PCDH7: variants seen among roughly 807,000 people sequenced by gnomAD.
PCDH7 encodes protocadherin 7.
Under a neutral mutation model 58.9 loss-of-function variants are expected in PCDH7, and 17 were observed. That is an observed-to-expected ratio of 0.29 (90% CI 0.20 to 0.43). The LOEUF (loss-of-function observed/expected upper bound fraction) is 0.43. Among genes scored for constraint, PCDH7 ranks in the 20% least tolerant of loss-of-function variants. The pLI is 1.00. For missense variants in PCDH7, 1,274 were observed against 1,441.0 expected (o/e 0.88, Z 1.88); for synonymous variants, 664 against 616.4 (o/e 1.08, Z -1.14).
chr4:31,113,721 T>A (rs1716622120), intron 3 of PCDH7, among the ~76,000 whole-genome samples: 2 of 152,056 alleles, frequency 1.3e-5, no homozygotes, highest in Admixed American at 1.3e-4. Flanking sequence ...AGCAGATAGG[T>A]ACAAAAAATT....
chr4:30,786,881 C>A, intron 1 of PCDH7: 1 of 343,018 alleles, frequency 2.9e-6, no homozygotes, highest in Non-Finnish European at 4.1e-6. Flanking sequence ...GAAATCGATT[C>A]CCAAGGGGCA....
chr4:30,772,308 AT>A (rs1721518179), intron 1 of PCDH7, among the ~76,000 whole-genome samples: 1 of 152,264 alleles, frequency 6.6e-6, no homozygotes, highest in Non-Finnish European at 1.5e-5. Flanking sequence ...AGCGGAAGAC[AT>A]TTTATGCTAA....
At chr4:30,807,644 C>T (rs907267815) in intron 1 of PCDH7, among the ~76,000 whole-genome samples, 5 of 151,982 alleles carry the variant, frequency 3.3e-5, no homozygotes, top group African/African-American at 7.3e-5. Context: ...GCTTTTAATG[C>T]GTAACATGAA....
At chr4:30,982,656 G>A (rs936252988) in intron 3 of PCDH7, among the ~76,000 whole-genome samples, 11 of 152,022 alleles carry the variant, frequency 7.2e-5, no homozygotes, top group African/African-American at 1.2e-4. Flanking sequence ...ATATGACCTG[G>A]TGCATTATAT....
intron 1 of PCDH7, among the ~76,000 whole-genome samples, chr4:30,803,842 C>T (rs955739260): frequency 4.6e-5 from 7 of 152,178 alleles, no homozygotes; most frequent in African/African-American, 1.4e-4. Context: ...TGAAATAAAG[C>T]AGTGGAACAA....
intron 1 of PCDH7, among the ~76,000 whole-genome samples, chr4:30,754,531 A>G (rs1039912952): frequency 6.6e-6 from 1 of 152,186 alleles, no homozygotes; most frequent in Non-Finnish European, 1.5e-5. Flanking sequence ...CACCCAATAC[A>G]GGAAATATTA....
intron 3 of PCDH7, among the ~76,000 whole-genome samples, chr4:31,001,065 A>G (rs1026002224): frequency 6.6e-6 from 1 of 152,050 alleles, no homozygotes; most frequent in Admixed American, 6.6e-5. Context: ...TCTAATATGT[A>G]TTTAAATCCA....
intron 3 of PCDH7, among the ~76,000 whole-genome samples, chr4:31,108,331 AG>A (rs1715836903): frequency 6.8e-6 from 1 of 146,386 alleles, no homozygotes; most frequent in Admixed American, 6.9e-5. Flanking sequence ...CTAAAAATAG[AG>A]CAATGACTAT....
intron 1 of PCDH7, among the ~76,000 whole-genome samples, chr4:30,782,343 T>C (rs1325560361): frequency 1.3e-5 from 2 of 152,194 alleles, no homozygotes; most frequent in Non-Finnish European, 2.9e-5. Context: ...ACCTATTTGA[T>C]TTGAGCCCTA....
chr4:31,131,831 C>T (rs574888248), intron 3 of PCDH7, among the ~76,000 whole-genome samples: 24 of 151,976 alleles, frequency 1.6e-4, no homozygotes, highest in Non-Finnish European at 3.4e-4. Context: ...ATTAGAATAA[C>T]TGTATAGTTT....
At chr4:31,071,291 A>AT in intron 3 of PCDH7, among the ~76,000 whole-genome samples, 1 of 152,110 alleles carries the variant, frequency 6.6e-6, no homozygotes, top group East Asian at 1.9e-4. Flanking sequence ...GTACAGCTAT[A>AT]TTTTTGTCAT....
chr4:31,143,473 A>G (rs1272924917), downstream of PCDH7: 9 of 152,180 alleles, frequency 5.9e-5, no homozygotes, highest in Admixed American at 5.9e-4. Flanking sequence ...GAAAAACAAT[A>G]CTCAGTGGGT....
At chr4:30,835,653 C>T (rs1730400860) in intron 1 of PCDH7, among the ~76,000 whole-genome samples, 1 of 152,060 alleles carries the variant, frequency 6.6e-6, no homozygotes, top group South Asian at 2.1e-4. Context: ...AGGGCTTGGA[C>T]ATTTTAATGA....
At chr4:30,735,576 G>A (rs145059690), downstream of PCDH7, among the ~76,000 whole-genome samples, 9 of 152,312 alleles carry the variant, frequency 5.9e-5, no homozygotes, top group East Asian at 1.5e-3. Flanking sequence ...ACTGCTCTAA[G>A]TGGATAACTA....
chr4:30,762,411 A>C (rs1720145869), intron 1 of PCDH7, among the ~76,000 whole-genome samples: 3 of 152,186 alleles, frequency 2.0e-5, no homozygotes. Context: ...CAGTTTTTCA[A>C]GAGCAAGACT....
At chr4:30,826,615 T>C (rs1729118122) in intron 1 of PCDH7, among the ~76,000 whole-genome samples, 1 of 152,284 alleles carries the variant, frequency 6.6e-6, no homozygotes, top group Non-Finnish European at 1.5e-5. Flanking sequence ...CAAGAAAGTC[T>C]AGAGATTTTC....
chr4:30,723,457 G>A lies in PCDH7; in HGVS notation c.2035G>A (p.Glu679Lys). The A allele has an allele frequency of 6.2e-7, 1 of 1,614,164 alleles. No homozygotes were observed. The highest frequency in any genetic ancestry group is 1.7e-5 in the Admixed American group (1 of 60,018). ...GAATGCAGAGATGAGCCTGTACATAGAGGAGAACAATAACATTTTTTCTAT... is the reference window on the plus strand; with the variant it reads ...GAATGCAGAGATGAGCCTGTACATAAAGGAGAACAATAACATTTTTTCTAT... Residue 679 changes from glutamate to lysine, a missense_variant, in exon 1 of 2, where the codon GAG becomes AAG. Physicochemically the swap from Glu to Lys is moderately conservative, Grantham distance 56. Around this residue, in one of 3 missense-constraint regions of PCDH7, gnomAD observed 731 missense variants for 881.9 expected, o/e 0.83. Transcript: ENST00000361762. This position sits in a 1 kb window ranked among gnomAD's most constrained non-coding sequence, Gnocchi z 4.6.
chr4:30,913,303 A>G lies in PCDH7; in HGVS notation c.71-6850A>G, dbSNP rs1004763271. 2.0e-5 allele frequency among the ~76,000 whole-genome samples: 3 copies of G among 152,208 alleles called. No homozygotes were observed. The East Asian group carries it at 5.8e-4, about 29-fold the overall frequency. On this transcript the variant is annotated intron_variant, in intron 1 of 3. Transcript: ENST00000509759. ...TAGGGTGGTTATATAGTTCTCTAAA[A>G]TTAAAAAAATAATAAAAATGAAGTC...
rs548976040 is a variant in PCDH7, at chr4:31,070,165, T to C, written c.*8-72308T>C. 2.6e-3 allele frequency among the ~76,000 whole-genome samples: 395 copies of C among 152,162 alleles called. 2 individuals carry two copies. Among genetic ancestry groups the C allele is most frequent in the Admixed American group, 7.2e-3 (109 of 15,234 alleles). On this transcript the variant is annotated intron_variant, in intron 3 of 3. Transcript: ENST00000509759. ...AAGTAAATTCTAGAAAAATATGAAA[T>C]ATGCATGTGTGTACGAGAATAAATT...
Sources: allele counts gnomAD v4.1 joint callset (sites outside exome capture counted in the v4.1 genomes callset), GRCh38; gene constraint gnomAD v4.1.1; regional missense constraint gnomAD v4.1.1; non-coding constraint Gnocchi (gnomAD v3.1); transcripts MANE v1.5; gene names NCBI Gene and HGNC (gene_info 2026-07-23, HGNC 2026-07-21).